Variants in GCFC2 observed in about 807,000 individuals in gnomAD.
The protein encoded by GCFC2 is GC-rich sequence DNA-binding factor 2, also known as intron Large complex component GCFC2.
GCFC2 carries 102 observed loss-of-function variants against 99.4 expected under a neutral mutation model. That is an observed-to-expected ratio of 1.03 (90% CI 0.87 to 1.21). The LOEUF is 1.21. Among genes scored for constraint, GCFC2 ranks in the 50% most tolerant of loss-of-function variants. The probability of loss-of-function intolerance (pLI) is 0.00; values close to 1 mark genes in which losing one functional copy is unlikely to be tolerated. For synonymous variants in GCFC2, 338 were observed against 316.8 expected, an observed-to-expected ratio of 1.07 and a Z score of -0.71; for missense variants, 973 against 920.9, an observed-to-expected ratio of 1.06 and a Z score of -0.73.
At chr2:75,672,448 T>C (rs1475464829) in intron 13 of GCFC2, among the ~76,000 whole-genome samples, 1 of 151,560 alleles carries the variant, frequency 6.6e-6, no homozygotes, top group East Asian at 1.9e-4. Flanking sequence ...TAAACAAAGT[T>C]TACCAAGGCA....
At position 75,671,930 on chromosome 2, in the gene GCFC2, T is replaced by C; in HGVS notation, c.1956+20A>G. The stretch of plus-strand genomic sequence containing the variant: ...GATTTTTACAAAAATTGCCTTTTCA[T>C]TTTTGCAGTTTTTGCTCACCTTTAG... On this transcript the variant is annotated intron_variant, in intron 14 of 16. Coordinates refer to ENST00000321027, the MANE Select transcript of GCFC2 (RefSeq NM_003203.5). 1.5e-6 allele frequency: 2 copies of C among 1,376,624 alleles called. No individual in the cohort carries two copies. Among genetic ancestry groups the C allele is most frequent in the Middle Eastern group, 1.8e-4 (1 of 5,502 alleles). The allele number at this position is 1,376,624 out of a possible 1,614,324, so 85.3% of individuals were successfully genotyped here.
intron 16 of GCFC2, among the ~76,000 whole-genome samples, chr2:75,665,363 A>G (rs1051905107): frequency 7.9e-5 from 12 of 152,072 alleles, no homozygotes; most frequent in African/African-American, 2.9e-4. Context: ...TATGTTTCCC[A>G]GGCTGTTCTC....
Position 75,701,084 on chromosome 2 carries a change from C to T in GCFC2, c.717+106G>A. ...ATACCTTGACTTCAGATTTTGGCCT[C>T]CACGCTGTGAGAGAATAAATGTGTG... is the stretch of plus-strand genomic sequence containing the variant. On this transcript the variant is annotated intron_variant, in intron 4 of 16. Coordinates refer to ENST00000321027, the MANE Select transcript of GCFC2 (RefSeq NM_003203.5). 7.4e-6 allele frequency: 5 copies of T among 674,782 alleles called. No individual in the cohort carries two copies. In the South Asian group the frequency reaches 9.3e-5, roughly 13 times the overall value. The allele number at this position is 674,782 out of a possible 1,614,324, so 41.8% of individuals were successfully genotyped here. A position where few individuals can be genotyped will look rare whatever the true frequency, so the allele number is the denominator to read the frequency against.
intron 15 of GCFC2, among the ~76,000 whole-genome samples, chr2:75,668,833 T>C (rs905850438): frequency 6.6e-6 from 1 of 152,234 alleles, no homozygotes; most frequent in Non-Finnish European, 1.5e-5. Context: ...AAAAGTTTTG[T>C]ATCCATCATG....
At chr2:75,694,025 T>C (rs550051584) in intron 6 of GCFC2, among the ~76,000 whole-genome samples, 21 of 152,172 alleles carry the variant, frequency 1.4e-4, no homozygotes, top group Non-Finnish European at 1.5e-5. Context: ...ATAACAAAAA[T>C]TTATATACAA....
At chr2:75,669,371 A>G (rs1272474715) in intron 15 of GCFC2, among the ~76,000 whole-genome samples, 5 of 152,164 alleles carry the variant, frequency 3.3e-5, no homozygotes, top group African/African-American at 1.2e-4. Context: ...TTTAATAATA[A>G]TCAATTAATC....
At chr2:75,706,210 T>C (rs554508470) in intron 2 of GCFC2, among the ~76,000 whole-genome samples, 2 of 152,326 alleles carry the variant, frequency 1.3e-5, no homozygotes, top group South Asian at 4.1e-4. Context: ...CTACATCCTA[T>C]ACCTGAAACA....
At chr2:75,672,188 A>C (rs1262667116) in intron 13 of GCFC2, among the ~76,000 whole-genome samples, 172 bp from the exon 14 acceptor site, 1 of 145,074 alleles carries the variant, frequency 6.9e-6, no homozygotes, top group Non-Finnish European at 1.5e-5. Context: ...TTTATAAAAT[A>C]TATATTTATA....
chr2:75,677,741 G>A (rs1679409244), intron 12 of GCFC2, among the ~76,000 whole-genome samples: 1 of 152,144 alleles, frequency 6.6e-6, no homozygotes, highest in Non-Finnish European at 1.5e-5. Context: ...CACTTTGGGA[G>A]GCCGAGGTGG....
intron 6 of GCFC2, among the ~76,000 whole-genome samples, chr2:75,693,025 T>G (rs571936410): frequency 6.6e-6 from 1 of 151,964 alleles, no homozygotes; most frequent in East Asian, 1.9e-4. Context: ...CAAGGGCAAA[T>G]GAAAAAAGAA....
At chr2:75,672,216 AT>A (rs1679124381) in intron 13 of GCFC2, among the ~76,000 whole-genome samples, 200 bp from the exon 14 acceptor site, 2 of 140,228 alleles carry the variant, frequency 1.4e-5, no homozygotes, top group Admixed American at 1.5e-4. Context: ...AAATATGTTT[AT>A]AAAATATATA....
intron 2 of GCFC2, among the ~76,000 whole-genome samples, chr2:75,702,974 T>G (rs1042707929): frequency 2.0e-5 from 3 of 152,222 alleles, no homozygotes; most frequent in African/African-American, 7.2e-5. Flanking sequence ...TCTGCGGTTC[T>G]GTAGTGAGCC....
chr2:75,710,575 G>T lies in GCFC2; in HGVS notation c.265+16C>A. The stretch of plus-strand genomic sequence containing the variant: ...TGTGCCGTCACCTCCCCGCTTCCCC[G>T]CGTCTCCCTGGACACCTGAGCCTTC... On this transcript the variant is annotated intron_variant, in intron 1 of 16. Transcript: ENST00000321027. 1.3e-6 allele frequency: 2 copies of T among 1,488,336 alleles called. No individual in the cohort carries two copies. The highest frequency in any genetic ancestry group is 1.8e-6 in the Non-Finnish European group (2 of 1,125,754). 92.2% of individuals were successfully genotyped at this position (1,488,336 alleles called of 1,614,324 possible).
chr2:75,707,923 A>G (rs1444232570), intron 1 of GCFC2, among the ~76,000 whole-genome samples: 2 of 152,184 alleles, frequency 1.3e-5, no homozygotes, highest in East Asian at 3.8e-4. Context: ...TAATTAAAAA[A>G]TTGTTATTTT....
rs540656599 is a variant in GCFC2 at position 75,690,769 on chromosome 2, A to G, written c.1145-50T>C. ...ATACTACAAATTCTCAAAAGAAAAA[A>G]GTAAAATGCTTTGAAAATAAAGGTA... On this transcript the variant is annotated intron_variant, in intron 7 of 16. Coordinates refer to ENST00000321027, the MANE Select transcript of GCFC2 (RefSeq NM_003203.5). 280 of 874,818 alleles carry G rather than the reference A, an allele frequency of 3.2e-4. 1 individual carries two copies. Among genetic ancestry groups the G allele is most frequent in the Non-Finnish European group, 5.0e-4 (269 of 532,968 alleles). 54.2% of individuals were successfully genotyped at this position (874,818 alleles called of 1,614,324 possible).
At chr2:75,707,213 G>A (rs538797297) in intron 1 of GCFC2, among the ~76,000 whole-genome samples, 2 of 152,238 alleles carry the variant, frequency 1.3e-5, no homozygotes, top group East Asian at 1.9e-4. Flanking sequence ...ACGGCTGGTG[G>A]CGAGAAATAT....
intron 5 of GCFC2, among the ~76,000 whole-genome samples, chr2:75,695,855 T>C (rs1036992196): frequency 7.2e-5 from 11 of 152,216 alleles, no homozygotes; most frequent in Non-Finnish European, 1.6e-4. Flanking sequence ...ATTCTCATCC[T>C]GGGCAGGATG....
In GCFC2 at chr2:75,673,489, T is replaced by C; in HGVS notation, c.1844A>G (p.Lys615Arg). 7.1e-7 allele frequency: 1 copy of C among 1,413,964 alleles called. No individual in the cohort carries two copies. Among genetic ancestry groups the C allele is most frequent in the Non-Finnish European group, 1.0e-6 (1 of 997,634 alleles). 87.6% of individuals were successfully genotyped at this position (1,413,964 alleles called of 1,614,324 possible). A position where few individuals can be genotyped will look rare whatever the true frequency, so the allele number is the denominator to read the frequency against. ...DLLKSIVSRM[K>R]KAVEDDVFIP... is the part of the protein sequence containing the mutation. Reference sequence around the variant, plus strand: ...AAAAACATCATCTTCTACTGCCTTTTTCATTCTTGAAACAATGGATTTAAG... The same window carrying C: ...AAAAACATCATCTTCTACTGCCTTTCTCATTCTTGAAACAATGGATTTAAG... Residue 615 changes from lysine to arginine, a missense_variant, in exon 13 of 17, where the codon AAA (lysine) becomes AGA (arginine). Lys to Arg is a conservative substitution (Grantham distance 26, BLOSUM62 2). Transcript: ENST00000321027.
chr2:75,691,368 G>A (rs1680061493), intron 7 of GCFC2, among the ~76,000 whole-genome samples: 1 of 152,232 alleles, frequency 6.6e-6, no homozygotes, highest in Non-Finnish European at 1.5e-5. Context: ...CAAAACTGCA[G>A]ATTAGAGGGA....
Sources: gnomAD v4.1 joint callset for allele counts (sites outside exome capture counted in the v4.1 genomes callset) on GRCh38, gnomAD v4.1.1 for gene constraint, MANE v1.5 for transcripts, NCBI Gene and HGNC (gene_info 2026-07-23, HGNC 2026-07-21) for gene names.